Variants in XKR6 observed in about 807,000 individuals in gnomAD.
The protein encoded by XKR6 is XK related 6, also known as XK-related protein 6.
Under a neutral mutation model 56.7 loss-of-function variants are expected in XKR6, and 22 were observed. That is an observed-to-expected ratio of 0.39 (90% CI 0.28 to 0.55). The LOEUF (loss-of-function observed/expected upper bound fraction) is 0.55, where lower values mean the gene tolerates loss of function less well. Among genes scored for constraint, XKR6 ranks in the 20% least tolerant of loss-of-function variants. The probability of loss-of-function intolerance (pLI) is 0.66; values close to 1 mark genes in which losing one functional copy is unlikely to be tolerated. For synonymous variants in XKR6, 524 were observed against 387.8 expected (o/e 1.35, Z -4.13); for missense variants, 852 against 889.0 (o/e 0.96, Z 0.53).
At chr8:11,114,006 G>A (rs1317909046) in intron 1 of XKR6, 3 of 397,016 alleles carry the variant, frequency 7.6e-6, no homozygotes, top group African/African-American at 2.1e-5. Flanking sequence ...GTTTCAGGAC[G>A]AGGCGATCGC....
chr8:11,056,446 G>A (rs112150617), intron 1 of XKR6, among the ~76,000 whole-genome samples: 3 of 152,258 alleles, frequency 2.0e-5, no homozygotes, highest in Admixed American at 6.5e-5. Context: ...GTGTTCACCC[G>A]GAAAGTGTCA....
intron 2 of XKR6, among the ~76,000 whole-genome samples, chr8:10,914,428 G>C (rs1415482125): frequency 6.6e-6 from 1 of 152,172 alleles, no homozygotes; most frequent in Non-Finnish European, 1.5e-5. Flanking sequence ...ATCTTTTGGA[G>C]ATCATTTAGC....
chr8:11,069,409 G>A (rs977282808), intron 1 of XKR6, among the ~76,000 whole-genome samples: 4 of 151,828 alleles, frequency 2.6e-5, no homozygotes, highest in Admixed American at 1.3e-4. Context: ...TATCTCTCCC[G>A]CAAGGCCCTC....
intron 1 of XKR6, among the ~76,000 whole-genome samples, chr8:11,048,636 G>C (rs1362326596): frequency 1.3e-5 from 2 of 152,140 alleles, no homozygotes; most frequent in Non-Finnish European, 2.9e-5. Context: ...AGAAGAGCTA[G>C]CCCAGGGGTC....
chr8:10,961,615 T>C (rs938303066), intron 1 of XKR6, among the ~76,000 whole-genome samples: 2 of 152,238 alleles, frequency 1.3e-5, no homozygotes, highest in African/African-American at 4.8e-5. Context: ...CCCACCCACA[T>C]GGGTGGCAAA....
At chr8:10,924,309 G>A (rs1327260154) in intron 2 of XKR6, among the ~76,000 whole-genome samples, 1 of 152,230 alleles carries the variant, frequency 6.6e-6, no homozygotes, top group African/African-American at 2.4e-5. Context: ...CAAATGCCTG[G>A]CTCAGGTCAG....
chr8:10,901,904 C>G (rs915323701), intron 2 of XKR6, among the ~76,000 whole-genome samples: 8 of 152,128 alleles, frequency 5.3e-5, no homozygotes, highest in African/African-American at 1.9e-4. Context: ...CCCGTTCACA[C>G]CAATAATGAA....
intron 1 of XKR6, among the ~76,000 whole-genome samples, chr8:11,093,713 T>G (rs1339571363): frequency 6.6e-6 from 1 of 152,248 alleles, no homozygotes; most frequent in Non-Finnish European, 1.5e-5. Flanking sequence ...TCATTTCTTA[T>G]AAGAAATAAA....
chr8:10,915,085 C>T (rs1026970827), intron 2 of XKR6, among the ~76,000 whole-genome samples: 1 of 152,232 alleles, frequency 6.6e-6, no homozygotes, highest in African/African-American at 2.4e-5. Flanking sequence ...TGCCTCCCTT[C>T]CCTTCTCTCT....
chr8:11,088,096 T>C (rs1468721586), intron 1 of XKR6, among the ~76,000 whole-genome samples: 1 of 152,226 alleles, frequency 6.6e-6, no homozygotes, highest in Non-Finnish European at 1.5e-5. Flanking sequence ...AGATGGCTGT[T>C]TGAAAAAATG....
At chr8:10,959,136 G>T (rs1024491390) in intron 1 of XKR6, among the ~76,000 whole-genome samples, 1 of 152,214 alleles carries the variant, frequency 6.6e-6, no homozygotes, top group African/African-American at 2.4e-5. Flanking sequence ...CTCATGCACA[G>T]ATAATGACAG....
intron 1 of XKR6, among the ~76,000 whole-genome samples, chr8:10,973,197 G>A (rs1382753855): frequency 6.6e-6 from 1 of 152,216 alleles, no homozygotes; most frequent in African/African-American, 2.4e-5. Context: ...CTTGGCCCAT[G>A]TTATGAGCTG....
intron 1 of XKR6, among the ~76,000 whole-genome samples, chr8:11,136,197 C>T (rs1024155152): frequency 1.3e-5 from 2 of 152,186 alleles, no homozygotes; most frequent in Non-Finnish European, 2.9e-5. Context: ...TCCTCCATTA[C>T]TAGGGACTGA....
At chr8:11,137,533 G>C in intron 1 of XKR6, 1 of 456,208 alleles carries the variant, frequency 2.2e-6, no homozygotes, top group Non-Finnish European at 4.4e-6. Context: ...CAACTGCTGC[G>C]GTATACCCAT....
chr8:11,110,273 T>C (rs1424333526), intron 1 of XKR6, among the ~76,000 whole-genome samples: 3 of 152,062 alleles, frequency 2.0e-5, no homozygotes, highest in Non-Finnish European at 4.4e-5. Context: ...GCGCCTGGCC[T>C]TAAAAAACCT....
intron 1 of XKR6, among the ~76,000 whole-genome samples, chr8:11,186,418 G>A (rs947919062): frequency 3.3e-5 from 5 of 152,114 alleles, no homozygotes; most frequent in Admixed American, 6.5e-5. Context: ...GTCTTGCTCC[G>A]TTATCCAGGC....
chr8:10,903,272 C>T (rs763435556), intron 2 of XKR6, among the ~76,000 whole-genome samples: 1 of 152,186 alleles, frequency 6.6e-6, no homozygotes, highest in Non-Finnish European at 1.5e-5. Flanking sequence ...ACAGGACTGT[C>T]GCTGCAATTC....
At chr8:10,946,583 C>T (rs1342284534) in intron 1 of XKR6, among the ~76,000 whole-genome samples, 3 of 152,080 alleles carry the variant, frequency 2.0e-5, no homozygotes, top group Non-Finnish European at 4.4e-5. Flanking sequence ...TATGCTGTCC[C>T]ACAATCTGCC....
chr8:11,152,579 G>A (rs1430232821), intron 1 of XKR6, among the ~76,000 whole-genome samples: 4 of 152,164 alleles, frequency 2.6e-5, no homozygotes, highest in Non-Finnish European at 2.9e-5. Flanking sequence ...TTCCCTGAAC[G>A]TTTGTCCTAA....
Sources: gnomAD v4.1 joint callset for allele counts (sites outside exome capture counted in the v4.1 genomes callset) on GRCh38, gnomAD v4.1.1 for gene constraint, MANE v1.5 for transcripts, NCBI Gene and HGNC (gene_info 2026-07-23, HGNC 2026-07-21) for gene names.